The following DSG3 variants were observed in gnomAD, a reference collection of about 807,000 sequenced individuals.
The protein encoded by DSG3 is desmoglein 3.
In DSG3, 63 loss-of-function variants were observed where a neutral mutation model predicts 85.9. The ratio of observed to expected loss-of-function variants is 0.73; its 90% CI spans 0.60 to 0.90. The LOEUF is 0.90. Ranked by LOEUF, DSG3 falls within the 40% of genes least tolerant of loss-of-function variation. The pLI, the probability that DSG3 is intolerant of heterozygous loss-of-function variation, is 0.00. For synonymous variants in DSG3, 447 were observed against 441.9 expected (o/e 1.01, Z -0.14); for missense variants, 1,220 against 1,219.9 (o/e 1.00, Z 0.00).
Position 31,476,402 on chromosome 18 carries a change from T to C in DSG3, c.*142T>C. 1.0e-6 allele frequency: 1 copy of C among 995,732 alleles called. No individual in the cohort carries two copies. Among genetic ancestry groups the C allele is most frequent in the Non-Finnish European group, 1.4e-6 (1 of 707,420 alleles). 61.7% of individuals were successfully genotyped at this position (995,732 alleles called of 1,614,324 possible). A position where few individuals can be genotyped will look rare whatever the true frequency, so the allele number is the denominator to read the frequency against. ...TCATAAACTGATCACGATTATAAAT[T>C]AAATGTTTGGGTTCATACCCCAAAA... On this transcript the variant is annotated 3_prime_UTR_variant, in exon 16 of 16. Coordinates refer to ENST00000257189, the MANE Select transcript of DSG3 (RefSeq NM_001944.3).
intron 1 of DSG3, among the ~76,000 whole-genome samples, chr18:31,453,234 G>T (rs2072721819): frequency 6.6e-6 from 1 of 152,154 alleles, no homozygotes; most frequent in Non-Finnish European, 1.5e-5. Context: ...AATTTGGACT[G>T]ATTTATTTGA....
At chr18:31,450,247 G>C (rs8099530) in intron 1 of DSG3, among the ~76,000 whole-genome samples, 1 of 151,852 alleles carries the variant, frequency 6.6e-6, no homozygotes, top group Non-Finnish European at 1.5e-5. Context: ...ATAGATGGAC[G>C]GGCCAAAAGG....
Position 31,457,010 on chromosome 18 carries a change from T to C in DSG3, c.102T>C (p.Asp34=), listed in dbSNP as rs769826184. The change falls in exon 3 of 16, where the codon GAT becomes GAC. Residue 34 remains aspartate (D), a synonymous_variant. Transcript: ENST00000257189. ...ELRIETKGQY[D]EEEMTMQQAK... ...TACATAAGACTAAAGGTCAATATGA[T>C]GAAGAAGAGATGACTATGCAACAAG... The C allele has an allele frequency of 2.5e-6, 4 of 1,610,752 alleles. No homozygotes were observed. The highest frequency in any genetic ancestry group is 2.5e-6 in the Non-Finnish European group (3 of 1,178,836).
intron 5 of DSG3, among the ~76,000 whole-genome samples, 166 bp downstream of exon 5, chr18:31,459,343 A>T (rs1598778573): frequency 6.6e-6 from 1 of 152,332 alleles, no homozygotes; most frequent in African/African-American, 2.4e-5. Context: ...TAAAATGTGT[A>T]TTTGAGCTAA....
rs1195455993 is a variant in DSG3, at chr18:31,472,750, C to T, written c.2063C>T (p.Pro688Leu). Residue 688 changes from proline to leucine, a missense_variant, in exon 14 of 16, where the codon CCT becomes CTT. Physicochemically the swap from Pro to Leu is moderately conservative, Grantham distance 98. Transcript: ENST00000257189. ...GAAATCACAAATATTTGTGTGCCTC[C>T]TGTAACAGCCAATGGAGCCGATTTC... ...DKEITNICVP[P>L]VTANGADFME... 6.2e-7 allele frequency: 1 copy of T among 1,613,944 alleles called. No individual in the cohort carries two copies. The highest frequency in any genetic ancestry group is 1.3e-5 in the African/African-American group (1 of 75,020).
intron 1 of DSG3, among the ~76,000 whole-genome samples, chr18:31,449,941 A>G (rs1467951998): frequency 6.6e-6 from 1 of 152,238 alleles, no homozygotes; most frequent in African/African-American, 2.4e-5. Flanking sequence ...CTTTGAATGA[A>G]CAAAAGAATG....
At chr18:31,455,987 G>A (rs2072739528) in intron 1 of DSG3, among the ~76,000 whole-genome samples, 1 of 152,142 alleles carries the variant, frequency 6.6e-6, no homozygotes, top group African/African-American at 2.4e-5. Context: ...ATACAGGATT[G>A]CCTTCCTACA....
At chr18:31,462,881 A>T (rs2072794794) in intron 8 of DSG3, among the ~76,000 whole-genome samples, 1 of 151,888 alleles carries the variant, frequency 6.6e-6, no homozygotes, top group Non-Finnish European at 1.5e-5. Context: ...CTTCTCTTTA[A>T]AACCATCCCT....
intron 3 of DSG3, 137 bp from the exon 4 acceptor site, chr18:31,458,308 C>A: frequency 1.0e-6 from 1 of 953,686 alleles, no homozygotes; most frequent in Non-Finnish European, 1.6e-6. Flanking sequence ...TAGTATCTAT[C>A]AAGGCAAAAA....
At chr18:31,470,404 C>A (rs2072848662) in intron 12 of DSG3, among the ~76,000 whole-genome samples, 1 of 152,078 alleles carries the variant, frequency 6.6e-6, no homozygotes, top group Non-Finnish European at 1.5e-5. Context: ...CAGCTAATTG[C>A]CACACATGCT....
At chr18:31,448,061 C>T (rs2072689254) in intron 1 of DSG3, 136 bp downstream of exon 1, 2 of 544,362 alleles carry the variant, frequency 3.7e-6, no homozygotes, top group Non-Finnish European at 5.8e-6. Flanking sequence ...GAAATGAAAT[C>T]GTGAAGATTA....
intron 1 of DSG3, among the ~76,000 whole-genome samples, chr18:31,455,345 C>G (rs2072735818): frequency 6.6e-6 from 1 of 151,594 alleles, no homozygotes; most frequent in East Asian, 1.9e-4. Flanking sequence ...CGACCAGATT[C>G]ATCCGATAAT....
chr18:31,472,743 G>A lies in DSG3; in HGVS notation c.2056G>A (p.Val686Met). The A allele has an allele frequency of 6.2e-7, 1 of 1,613,966 alleles. No individual in the cohort carries two copies. The highest frequency in any genetic ancestry group is 1.1e-5 in the South Asian group (1 of 91,062). Reference protein sequence around the residue: ...PEDKEITNICVPPVTANGADF... With the variant: ...PEDKEITNICMPPVTANGADF... ...TTTGCAGGAAATCACAAATATTTGT[G>A]TGCCTCCTGTAACAGCCAATGGAGC... Residue 686 changes from valine to methionine, a missense_variant, in exon 14 of 16, where the codon GTG becomes ATG. Transcript: ENST00000257189.
intron 1 of DSG3, among the ~76,000 whole-genome samples, chr18:31,450,968 TA>T (rs996889429): frequency 2.6e-5 from 4 of 152,172 alleles, no homozygotes; most frequent in African/African-American, 9.6e-5. Flanking sequence ...TGTCTTGAGC[TA>T]AAAAGTATAT....
chr18:31,458,410 G>A lies in DSG3; in HGVS notation c.217-35G>A, dbSNP rs767813514. The A allele has an allele frequency of 2.5e-6, 4 of 1,602,686 alleles. No individual in the cohort carries two copies. In the Admixed American group the frequency reaches 5.1e-5, roughly 20 times the overall value. On this transcript the variant is annotated intron_variant, in intron 3 of 15. Coordinates refer to ENST00000257189, the MANE Select transcript of DSG3 (RefSeq NM_001944.3). ...GTGGAGAGGGAAAGGCTTGAGTGAT[G>A]GTCACCTCAACGTTTTTGGTATTTG...
At chr18:31,472,191 T>C (rs2072859385) in intron 12 of DSG3, 93 bp from the exon 13 acceptor site, 4 of 1,563,120 alleles carry the variant, frequency 2.6e-6, no homozygotes, top group East Asian at 4.5e-5. Flanking sequence ...TTTAAGATAC[T>C]GTATTTTCTT....
intron 14 of DSG3, among the ~76,000 whole-genome samples, chr18:31,473,895 C>T (rs903082462): frequency 6.6e-6 from 1 of 152,156 alleles, no homozygotes. Context: ...TCTTTGTACA[C>T]TTTTAAAATT....
chr18:31,462,300 G>T (rs2072791886), intron 8 of DSG3, among the ~76,000 whole-genome samples: 1 of 152,122 alleles, frequency 6.6e-6, no homozygotes, highest in Non-Finnish European at 1.5e-5. Flanking sequence ...TCGAACTCCT[G>T]ATCTCAAGTG....
rs146118435 is a variant in DSG3, at chr18:31,466,330, C to A, written c.1412-200C>A. Among the ~76,000 whole-genome samples the A allele has an allele frequency of 2.8e-4, 43 of 152,282 alleles. 1 individual carries two copies. In the East Asian group the frequency reaches 7.3e-3, roughly 26 times the overall value. On this transcript the variant is annotated intron_variant, in intron 10 of 15. Coordinates refer to ENST00000257189, the MANE Select transcript of DSG3 (RefSeq NM_001944.3). Reference sequence around the variant, plus strand: ...ATTCTCAATTAATTATAGTTAGAGACATCAGCCTATTTGGTAAATTTCAAT... The same window carrying A: ...ATTCTCAATTAATTATAGTTAGAGAAATCAGCCTATTTGGTAAATTTCAAT...
Sources: allele counts gnomAD v4.1 joint callset (sites outside exome capture counted in the v4.1 genomes callset), GRCh38; gene constraint gnomAD v4.1.1; transcripts MANE v1.5; gene names NCBI Gene and HGNC (gene_info 2026-07-23, HGNC 2026-07-21).